Variants in ANKS1B observed in about 807,000 individuals in gnomAD.
ANKS1B encodes ankyrin repeat and sterile alpha motif domain containing 1B.
ANKS1B carries 36 observed loss-of-function variants against 148.3 expected under a neutral mutation model. The observed-to-expected ratio is 0.24, with a 90% CI of 0.19 to 0.32. The LOEUF is 0.32. Among genes scored for constraint, ANKS1B ranks in the 10% least tolerant of loss-of-function variants. ANKS1B has a pLI of 1.00. For synonymous variants in ANKS1B, 542 were observed against 560.8 expected (o/e 0.97, Z 0.47); for missense variants, 1,157 against 1,542.6 (o/e 0.75, Z 4.19).
intron 12 of ANKS1B, among the ~76,000 whole-genome samples, chr12:99,362,333 T>C (rs2092529260): frequency 6.6e-6 from 1 of 152,044 alleles, no homozygotes; most frequent in Non-Finnish European, 1.5e-5. Flanking sequence ...TTATCTCATA[T>C]CCAATCTTCA....
rs1046807340 is a variant in ANKS1B, at chr12:98,969,459, G to A, written c.2778+83698C>T. ...CATTTTTGTTGTTGCTTATTTTAAT[G>A]GTCTTTTCCTCCTCATACTCACATG... On this transcript the variant is annotated intron_variant, in intron 17 of 26. Transcript: ENST00000683438. Among the ~76,000 whole-genome samples, 4 of 151,934 alleles carry A rather than the reference G, an allele frequency of 2.6e-5. No individual in the cohort carries two copies. In the South Asian group the frequency reaches 8.3e-4, roughly 32 times the overall value.
chr12:99,648,433 C>T (rs781431969), intron 9 of ANKS1B: 62 of 1,614,198 alleles, frequency 3.8e-5, no homozygotes, highest in Non-Finnish European at 5.2e-5. Context: ...TGATGTCATG[C>T]TGCTGGCCCG....
intron 12 of ANKS1B, among the ~76,000 whole-genome samples, chr12:99,287,717 T>G (rs970630841): frequency 6.6e-6 from 1 of 152,186 alleles, no homozygotes; most frequent in Non-Finnish European, 1.5e-5. Flanking sequence ...ATTGAAATAA[T>G]TTTTAAAAAT....
At chr12:99,717,225 C>T (rs2057446530) in intron 8 of ANKS1B, among the ~76,000 whole-genome samples, 1 of 152,128 alleles carries the variant, frequency 6.6e-6, no homozygotes, top group Non-Finnish European at 1.5e-5. Context: ...TTAAATAAAA[C>T]TCCAAAAATT....
At chr12:99,954,761 G>T (rs1368828565) in intron 1 of ANKS1B, among the ~76,000 whole-genome samples, 1 of 152,062 alleles carries the variant, frequency 6.6e-6, no homozygotes, top group African/African-American at 2.4e-5. Flanking sequence ...ACAGGCCAGG[G>T]ATGCTGCAAT....
In ANKS1B at chr12:98,804,621, A is replaced by G. The variant is rs76693161; in HGVS notation, c.3141+3223T>C. 9.6e-3 allele frequency among the ~76,000 whole-genome samples: 1,459 copies of G among 152,318 alleles called. 30 individuals carry two copies. The highest frequency in any genetic ancestry group is 0.033 in the African/African-American group (1,379 of 41,570). ...CCTGGTTGACTCCCAGTAAGAACAA[A>G]AGAGTTCAGAGAACAAGGGTGCCTT... On this transcript the variant is annotated intron_variant, in intron 20 of 26. Transcript: ENST00000683438.
intron 12 of ANKS1B, among the ~76,000 whole-genome samples, chr12:99,253,403 G>T (rs2074881283): frequency 1.3e-5 from 2 of 152,088 alleles, no homozygotes; most frequent in Admixed American, 6.6e-5. Flanking sequence ...ATCAAGCAGA[G>T]AAAAACCTGT....
chr12:99,103,541 G>C (rs952136497), intron 15 of ANKS1B, among the ~76,000 whole-genome samples: 1 of 151,954 alleles, frequency 6.6e-6, no homozygotes, highest in African/African-American at 2.4e-5. Flanking sequence ...TAAATTACTT[G>C]ATGTCTTTTA....
intron 1 of ANKS1B, among the ~76,000 whole-genome samples, chr12:99,977,548 C>T (rs2095644490): frequency 6.6e-6 from 1 of 152,154 alleles, no homozygotes; most frequent in Admixed American, 6.5e-5. Flanking sequence ...AAAATTTATC[C>T]TTTGGTCATA....
rs146577180 is a variant in ANKS1B at position 99,889,962 on chromosome 12, A to G, written c.135-64573T>C. Among the ~76,000 whole-genome samples, 836 of 152,202 alleles carry G rather than the reference A, an allele frequency of 5.5e-3. 10 individuals carry two copies. Among genetic ancestry groups the G allele is most frequent in the African/African-American group, 0.019 (783 of 41,526 alleles). Reference sequence around the variant, plus strand: ...CTTAAAACCTCCCCAGGTGATTCCAATGTGAACTCCAGGCTGAGAACTGTC... The same window carrying G: ...CTTAAAACCTCCCCAGGTGATTCCAGTGTGAACTCCAGGCTGAGAACTGTC... On this transcript the variant is annotated intron_variant, in intron 1 of 26. Coordinates refer to ENST00000683438, the MANE Select transcript of ANKS1B (RefSeq NM_001352186.2).
chr12:99,154,016 C>T (rs1386811347), intron 15 of ANKS1B, among the ~76,000 whole-genome samples: 1 of 152,028 alleles, frequency 6.6e-6, no homozygotes, highest in Non-Finnish European at 1.5e-5. Context: ...GGGAGAATAT[C>T]AATATTAATC....
At chr12:99,673,313 C>T (rs1288732275) in intron 8 of ANKS1B, among the ~76,000 whole-genome samples, 1 of 152,142 alleles carries the variant, frequency 6.6e-6, no homozygotes, top group Non-Finnish European at 1.5e-5. Context: ...AGAATGAACA[C>T]TCAGATTGCC....
chr12:99,793,021 C>T (rs1435169262), intron 4 of ANKS1B, among the ~76,000 whole-genome samples: 2 of 151,844 alleles, frequency 1.3e-5, no homozygotes, highest in Non-Finnish European at 2.9e-5. Flanking sequence ...AATCAACATA[C>T]AAAAATCAGC....
chr12:99,580,829 G>C lies in ANKS1B; in HGVS notation c.1272+74238C>G, dbSNP rs528585802. The stretch of plus-strand genomic sequence containing the variant: ...TGGATTTGATAATTACCTGGTGTTT[G>C]CATGTACCAATGTGCCACATGTACC... On this transcript the variant is annotated intron_variant, in intron 9 of 26. Coordinates refer to ENST00000683438, the MANE Select transcript of ANKS1B (RefSeq NM_001352186.2). 7.2e-5 allele frequency among the ~76,000 whole-genome samples: 11 copies of C among 152,228 alleles called. 2 individuals are homozygous for C. The East Asian group carries it at 2.1e-3, about 29-fold the overall frequency.
intron 9 of ANKS1B, among the ~76,000 whole-genome samples, chr12:99,633,511 T>A (rs1286232862): frequency 6.6e-6 from 1 of 152,174 alleles, no homozygotes; most frequent in Admixed American, 6.5e-5. Flanking sequence ...ACTTAAATGT[T>A]AGACCTAAAA....
chr12:99,607,772 A>G (rs1161004901), intron 9 of ANKS1B, among the ~76,000 whole-genome samples: 1 of 152,130 alleles, frequency 6.6e-6, no homozygotes, highest in Non-Finnish European at 1.5e-5. Flanking sequence ...TTGTATTTCC[A>G]GAAGATAAAT....
At chr12:98,855,165 CA>C (rs60609011) in intron 17 of ANKS1B, among the ~76,000 whole-genome samples, 1,725 of 86,676 alleles carry the variant, frequency 0.02, 19 homozygotes, top group African/African-American at 0.046. Flanking sequence ...GACTCCGTCT[CA>C]AAAAAAAAAA....
chr12:99,522,978 C>G (rs569268296), intron 9 of ANKS1B, among the ~76,000 whole-genome samples: 1 of 152,282 alleles, frequency 6.6e-6, no homozygotes, highest in Non-Finnish European at 1.5e-5. Flanking sequence ...TAGCAACAAT[C>G]AGGAACCCAG....
intron 1 of ANKS1B, among the ~76,000 whole-genome samples, chr12:99,977,153 T>A (rs1194996042): frequency 1.3e-5 from 2 of 152,128 alleles, no homozygotes; most frequent in Non-Finnish European, 2.9e-5. Flanking sequence ...GTTTGTTTTG[T>A]TTTTATTTTG....
Sources: gnomAD v4.1 joint callset for allele counts (sites outside exome capture counted in the v4.1 genomes callset) on GRCh38, gnomAD v4.1.1 for gene constraint, MANE v1.5 for transcripts, NCBI Gene and HGNC (gene_info 2026-07-23, HGNC 2026-07-21) for gene names.